PGLYRP2: variants seen among roughly 807,000 people sequenced by gnomAD.
PGLYRP2 encodes the protein N-acetylmuramoyl-L-alanine amidase.
PGLYRP2 carries 38 observed loss-of-function variants against 46.2 expected under a neutral mutation model. The ratio of observed to expected loss-of-function variants is 0.82; its 90% CI spans 0.64 to 1.08. The LOEUF (loss-of-function observed/expected upper bound fraction) is 1.08, where lower values mean the gene tolerates loss of function less well. PGLYRP2 is among the 50% of genes least tolerant of loss of function. The pLI is 0.00. For missense variants in PGLYRP2, 713 were observed against 755.9 expected (o/e 0.94, Z 0.67); for synonymous variants, 289 against 329.4 (o/e 0.88, Z 1.33).
rs1970786799 is a variant in PGLYRP2 at position 15,475,638 on chromosome 19, C to T, written c.1032G>A (p.Gln344=). ...GCTGGAGGTGTACTGGCTCCAGCCT[C>T]TGTAGAAGGACAAGGGTTCCCCACA... is the stretch of plus-strand genomic sequence containing the variant. ...QQVWGTLVLL[Q]RLEPVHLQLQ... is the part of the protein sequence containing the mutation. The change falls in exon 2 of 5, where the codon CAG becomes CAA. Residue 344 remains glutamine (Q), a synonymous_variant. Coordinates refer to ENST00000340880, the MANE Select transcript of PGLYRP2 (RefSeq NM_052890.4). 6.2e-7 allele frequency: 1 copy of T among 1,614,170 alleles called. No homozygotes were observed. Among genetic ancestry groups the T allele is most frequent in the Non-Finnish European group, 8.5e-7 (1 of 1,180,024 alleles).
Position 15,476,488 on chromosome 19 carries a change from C to A in PGLYRP2, c.182G>T (p.Gly61Val). ...SAWLMSAPNS[G>V]PHNRLYHFLL... Reference sequence around the variant, plus strand: ...GAAGTGGTAGAGGCGATTGTGGGGGCCAGAGTTTGGAGCTGACATCAGCCA... The same window carrying A: ...GAAGTGGTAGAGGCGATTGTGGGGGACAGAGTTTGGAGCTGACATCAGCCA... Residue 61 changes from glycine (G) to valine (V), a missense_variant, in exon 2 of 5, where the codon GGC (glycine) becomes GTC (valine). Coordinates refer to ENST00000340880, the MANE Select transcript of PGLYRP2 (RefSeq NM_052890.4). The A allele has an allele frequency of 1.2e-6, 2 of 1,614,124 alleles. No homozygotes were observed. Among genetic ancestry groups the A allele is most frequent in the Non-Finnish European group, 8.5e-7 (1 of 1,180,032 alleles).
chr19:15,479,092 A>G (rs976023791), intron 1 of PGLYRP2, among the ~76,000 whole-genome samples: 17 of 151,950 alleles, frequency 1.1e-4, no homozygotes, highest in Non-Finnish European at 1.0e-4. Context: ...CTCCTCCTCC[A>G]AGAAGCCTTC....
intron 1 of PGLYRP2, among the ~76,000 whole-genome samples, chr19:15,478,888 C>A (rs1221174919): frequency 2.0e-5 from 3 of 152,074 alleles, no homozygotes; most frequent in Non-Finnish European, 2.9e-5. Context: ...TCCCAAAGTG[C>A]TGGGATTACA....
rs1568340247 is a variant in PGLYRP2, at chr19:15,470,282, T to TTCCC, written c.1344-354_1344-353insGGGA. Among the ~76,000 whole-genome samples, 58 of 134,170 alleles carry TTCCC rather than the reference T, an allele frequency of 4.3e-4. 1 individual carries two copies. In the Middle Eastern group the frequency reaches 0.011, roughly 25 times the overall value. 88.0% of individuals were successfully genotyped at this position (134,170 alleles called of 152,430 possible). ...CTTCCTTCCTTCCTTCCTTCCTTCC[T>TTCCC]TCCTTCCTTCCTTCTTTCTTTCTTT... On this transcript the variant is annotated intron_variant, in intron 3 of 4. Transcript: ENST00000340880.
At chr19:15,470,935 C>G (rs1970742709) in intron 3 of PGLYRP2, among the ~76,000 whole-genome samples, 1 of 152,058 alleles carries the variant, frequency 6.6e-6, no homozygotes, top group Middle Eastern at 3.2e-3. Flanking sequence ...TTAGCCACCG[C>G]TCCCGGCCTC....
chr19:15,475,391 C>A, intron 2 of PGLYRP2, 147 bp downstream of exon 2: 1 of 719,388 alleles, frequency 1.4e-6, no homozygotes, highest in Non-Finnish European at 2.3e-6. Context: ...GGCATTTCCT[C>A]ACCTGTGCAG....
At chr19:15,479,116 T>A (rs1970823210) in intron 1 of PGLYRP2, among the ~76,000 whole-genome samples, 195 bp downstream of exon 1, 1 of 152,164 alleles carries the variant, frequency 6.6e-6, no homozygotes, top group African/African-American at 2.4e-5. Flanking sequence ...ACTTTTGCTC[T>A]CCAGGCCCCA....
At chr19:15,476,646 A>G in intron 1 of PGLYRP2, 38 bp from the exon 2 acceptor site, 2 of 1,485,542 alleles carry the variant, frequency 1.3e-6, no homozygotes, top group Non-Finnish European at 9.0e-7. Context: ...AGCCCCACCC[A>G]TTCCTGAGCC....
chr19:15,474,107 G>A (rs1274853637), intron 2 of PGLYRP2, among the ~76,000 whole-genome samples: 1 of 152,158 alleles, frequency 6.6e-6, no homozygotes, highest in East Asian at 1.9e-4. Flanking sequence ...AGGCTGAGGT[G>A]GGTGGATCAC....
chr19:15,471,879 G>GC lies in PGLYRP2; in HGVS notation c.1343+10dup. The GC allele has an allele frequency of 6.2e-7, 1 of 1,609,936 alleles. No individual in the cohort carries two copies. Among genetic ancestry groups the GC allele is most frequent in the Non-Finnish European group, 8.5e-7 (1 of 1,177,114 alleles). On this transcript the variant is annotated intron_variant, in intron 3 of 4. Coordinates refer to ENST00000340880, the MANE Select transcript of PGLYRP2 (RefSeq NM_052890.4). ...TGGGCCCCGCCCCCTCCCCGGTCGG[G>GC]CCCCTCCTACCTGTAGCCGATGTCT...
chr19:15,475,647 G>T lies in PGLYRP2; in HGVS notation c.1023C>A (p.Val341=). 6.2e-7 allele frequency: 1 copy of T among 1,614,182 alleles called. No individual in the cohort carries two copies. Among genetic ancestry groups the T allele is most frequent in the Non-Finnish European group, 8.5e-7 (1 of 1,180,032 alleles). ...ILAQQVWGTL[V]LLQRLEPVHL... is the part of the protein sequence containing the mutation. ...GTACTGGCTCCAGCCTCTGTAGAAG[G>T]ACAAGGGTTCCCCACACCTGCTGGG... is the stretch of plus-strand genomic sequence containing the variant. The change falls in exon 2 of 5, where the codon GTC becomes GTA. Residue 341 remains valine, a synonymous_variant. Transcript: ENST00000340880.
chr19:15,472,100 C>T lies in PGLYRP2; in HGVS notation c.1133G>A (p.Gly378Glu), dbSNP rs568794203. The T allele has an allele frequency of 6.6e-5, 106 of 1,599,672 alleles. 3 individuals carry two copies. In the South Asian group the frequency reaches 1.0e-3, roughly 16 times the overall value. Reference protein sequence around the residue: ...ATKEFTEAFLGCPAIHPRCRW... With the variant: ...ATKEFTEAFLECPAIHPRCRW... ...GCAGCGGGGGTGGATGGCCGGGCAT[C>T]CTACAGGCAAGGGGGTTGAAGGCTG... The change falls in exon 3 of 5, where the codon GGA becomes GAA. Residue 378 changes from glycine (G) to glutamate (E), a missense_variant and splice_region_variant. Physicochemically the swap from Gly to Glu is moderately conservative, Grantham distance 98. Coordinates refer to ENST00000340880, the MANE Select transcript of PGLYRP2 (RefSeq NM_052890.4).
intron 3 of PGLYRP2, among the ~76,000 whole-genome samples, chr19:15,470,241 T>TTTCCTTCCTTCCTTCCTTCCTTCC (rs71176417): frequency 3.2e-4 from 32 of 100,030 alleles, no homozygotes; most frequent in East Asian, 2.1e-3. Flanking sequence ...GTTTTTTTTC[T>TTTCCTTCCTTCCTTCCTTCCTTCC]TTCCTTCCTT....
At position 15,476,426 on chromosome 19, in the gene PGLYRP2, C is replaced by G. The variant is rs747050252; in HGVS notation, c.244G>C (p.Asp82His). 6.2e-7 allele frequency: 1 copy of G among 1,614,116 alleles called. No homozygotes were observed. The highest frequency in any genetic ancestry group is 1.7e-5 in the Admixed American group (1 of 60,004). Residue 82 changes from aspartate to histidine, a missense_variant, in exon 2 of 5, where the codon GAT (aspartate) becomes CAT (histidine). Asp to His is a moderately conservative substitution (Grantham distance 81, BLOSUM62 -1). Coordinates refer to ENST00000340880, the MANE Select transcript of PGLYRP2 (RefSeq NM_052890.4). The part of the protein sequence containing the change: ...GAWSLNATEL[D>H]PCPLSPELLG... ...AGCTCTGGGCTTAGTGGGCAGGGAT[C>G]CAACTCTGTAGCATTGAGGCTCCAT...
At position 15,479,230 on chromosome 19, in the gene PGLYRP2, AG is replaced by A; in HGVS notation, c.61+80del. On this transcript the variant is annotated intron_variant, in intron 1 of 4. Coordinates refer to ENST00000340880, the MANE Select transcript of PGLYRP2 (RefSeq NM_052890.4). ...TTGAGTCTCCAGCCTCACTCCATGC[AG>A]GGCAAGACATAGATGGGACAGCAGT... 2.8e-6 allele frequency: 4 copies of A among 1,451,756 alleles called. No homozygotes were observed. In the South Asian group the frequency reaches 4.6e-5, roughly 17 times the overall value. The allele number at this position is 1,451,756 out of a possible 1,614,324, so 89.9% of individuals were successfully genotyped here.
chr19:15,469,674 G>C lies in PGLYRP2; in HGVS notation c.1599C>G (p.Asp533Glu), dbSNP rs1173377703. 2 of 1,545,348 alleles carry C rather than the reference G, an allele frequency of 1.3e-6. No homozygotes were observed. Among genetic ancestry groups the C allele is most frequent in the South Asian group, 2.4e-5 (2 of 82,792 alleles). ...AGGTGCGCAGCAGGTCGAAGAGCGC[G>C]TCGCCGGGGCAGTCGGTGCGCACCA... ...RQLVRTDCPG[D>E]ALFDLLRTWP... Residue 533 changes from aspartate (D) to glutamate (E), a missense_variant, in exon 4 of 5, where the codon GAC becomes GAG. Physicochemically the swap from Asp to Glu is conservative, Grantham distance 45. Transcript: ENST00000340880. The surrounding 1 kb of genome is among the most constrained non-coding windows in gnomAD (Gnocchi z 4.9).
chr19:15,475,418 C>A (rs544542594), intron 2 of PGLYRP2, 120 bp downstream of exon 2: 1 of 1,011,748 alleles, frequency 9.9e-7, no homozygotes, highest in Non-Finnish European at 1.5e-6. Context: ...CACCCACCCC[C>A]GACCAGATCC....
intron 1 of PGLYRP2, among the ~76,000 whole-genome samples, chr19:15,477,721 T>TAAAATTAAAATAAAG (rs56127600): frequency 7.4e-6 from 1 of 135,364 alleles, no homozygotes; most frequent in Non-Finnish European, 1.6e-5. Context: ...TAAAATAAAA[T>TAAAATTAAAATAAAG]TAAATTAAAA....
At chr19:15,474,998 A>T (rs1970780797) in intron 2 of PGLYRP2, among the ~76,000 whole-genome samples, 1 of 151,746 alleles carries the variant, frequency 6.6e-6, no homozygotes, top group Non-Finnish European at 1.5e-5. Context: ...AAAAAAAAGA[A>T]AGAATGTCTT....
Sources: allele counts gnomAD v4.1 joint callset (sites outside exome capture counted in the v4.1 genomes callset), GRCh38; gene constraint gnomAD v4.1.1; non-coding constraint Gnocchi (gnomAD v3.1); transcripts MANE v1.5; gene names NCBI Gene and HGNC (gene_info 2026-07-23, HGNC 2026-07-21).